Variants in PPP2R3B observed in about 807,000 individuals in gnomAD.
PPP2R3B encodes the protein protein phosphatase 2 regulatory subunit B''beta.
A neutral mutation model predicts 72.9 loss-of-function variants in PPP2R3B; 68 were observed. The ratio of observed to expected loss-of-function variants is 0.93; its 90% CI spans 0.77 to 1.14. The LOEUF (loss-of-function observed/expected upper bound fraction) is 1.14. Ranked by LOEUF, PPP2R3B falls within the 50% of genes most tolerant of loss-of-function variation. The probability of loss-of-function intolerance (pLI) is 0.00; values close to 1 mark genes in which losing one functional copy is unlikely to be tolerated. For synonymous variants in PPP2R3B, 466 were observed against 375.8 expected, an observed-to-expected ratio of 1.24 and a Z score of -2.78; for missense variants, 1,018 against 842.0, an observed-to-expected ratio of 1.21 and a Z score of -2.59.
In PPP2R3B at chrX:373,703, C is replaced by T. The variant is rs749877919; in HGVS notation, c.325-12113G>A. 264 of 161,538 alleles carry T rather than the reference C, an allele frequency of 1.6e-3. 1 individual carries two copies. The highest frequency in any genetic ancestry group is 0.015 in the Middle Eastern group (5 of 336). 10.0% of individuals were successfully genotyped at this position (161,538 alleles called of 1,614,324 possible). ...TCCGCGGGCCGGGCCGGGCGCCGCG[C>T]TCTCGGGGCAGGGCCGGGCCGGGGC... On this transcript the variant is annotated intron_variant, in intron 1 of 12. Coordinates refer to ENST00000390665, the MANE Select transcript of PPP2R3B (RefSeq NM_013239.5).
chrX:386,585 A>G lies in PPP2R3B; in HGVS notation c.107T>C (p.Leu36Pro). 1 of 1,453,164 alleles carries G rather than the reference A, an allele frequency of 6.9e-7. No homozygotes were observed. The highest frequency in any genetic ancestry group is 9.1e-7 in the Non-Finnish European group (1 of 1,103,440). 90.0% of individuals were successfully genotyped at this position (1,453,164 alleles called of 1,614,324 possible). ...ASTQRMLQDC[L>P]RRIKAPGRDQ... ...CCGCCCGGGCGCCTTGATCCGGCGC[A>G]GGCAGTCCTGCAGCATCCGCTGCGT... The change falls in exon 1 of 13, where the codon CTG (leucine) becomes CCG (proline). Residue 36 changes from leucine (L) to proline (P), a missense_variant. Transcript: ENST00000390665.
At chrX:384,982 C>CAA (rs773590401) in intron 1 of PPP2R3B, among the ~76,000 whole-genome samples, 1,664 of 62,380 alleles carry the variant, frequency 0.027, 87 homozygotes, top group African/African-American at 0.064. Context: ...GAATCTGTCT[C>CAA]AAAAAAAAAA....
chrX:363,720 A>ATCCC (rs1569404421), intron 1 of PPP2R3B, among the ~76,000 whole-genome samples: 25 of 67,504 alleles, frequency 3.7e-4, no homozygotes, highest in East Asian at 9.3e-4. Flanking sequence ...CCGAGCCCAC[A>ATCCC]ACGCATTCCC....
intron 7 of PPP2R3B, among the ~76,000 whole-genome samples, chrX:344,679 G>A (rs2071158654): frequency 6.6e-6 from 1 of 152,318 alleles, no homozygotes; most frequent in Non-Finnish European, 1.5e-5. Flanking sequence ...TGCTCTCCTC[G>A]TGGCTAGTTA....
intron 1 of PPP2R3B, among the ~76,000 whole-genome samples, chrX:364,332 C>G (rs1441194088): frequency 2.6e-5 from 4 of 151,974 alleles, no homozygotes; most frequent in Non-Finnish European, 5.9e-5. Flanking sequence ...ACAGCCGACT[C>G]TCCTGCAGGT....
chrX:343,975 G>T (rs1160470005), intron 7 of PPP2R3B, among the ~76,000 whole-genome samples: 17 of 108,706 alleles, frequency 1.6e-4, no homozygotes, highest in East Asian at 3.1e-4. Flanking sequence ...GAGGCGGGAG[G>T]GAGACCTCAG....
chrX:361,610 C>A lies in PPP2R3B; in HGVS notation c.325-20G>T, dbSNP rs149051350. ...CTGAACCTGAAGAGTCGACAGACAG[C>A]GCTCAGTTAGAACCTGGGAGCATCG... On this transcript the variant is annotated intron_variant, in intron 1 of 12. Coordinates refer to ENST00000390665, the MANE Select transcript of PPP2R3B (RefSeq NM_013239.5). 4.4e-3 allele frequency: 7,021 copies of A among 1,612,568 alleles called. 22 individuals are homozygous for A. Among genetic ancestry groups the A allele is most frequent in the Non-Finnish European group, 5.1e-3 (6,032 of 1,178,800 alleles).
Position 367,660 on chromosome X carries a change from G to A in PPP2R3B, c.325-6070C>T, listed in dbSNP as rs185528877. Among the ~76,000 whole-genome samples, 7 of 152,300 alleles carry A rather than the reference G, an allele frequency of 4.6e-5. No individual in the cohort carries two copies. The East Asian group carries it at 1.2e-3, about 25-fold the overall frequency. ...AAGCTGAAAAAGAGCAGGAGACAGAGGTGCAGGATGAGACGGTCACAGTCC... is the reference window on the plus strand; with the variant it reads ...AAGCTGAAAAAGAGCAGGAGACAGAAGTGCAGGATGAGACGGTCACAGTCC... On this transcript the variant is annotated intron_variant, in intron 1 of 12. Transcript: ENST00000390665.
Position 334,303 on chromosome X carries a change from A to C in PPP2R3B, c.*64T>G. 7.1e-7 allele frequency: 1 copy of C among 1,415,606 alleles called. No individual in the cohort carries two copies. The highest frequency in any genetic ancestry group is 9.2e-7 in the Non-Finnish European group (1 of 1,085,466). 87.7% of individuals were successfully genotyped at this position (1,415,606 alleles called of 1,614,324 possible). A position where few individuals can be genotyped will look rare whatever the true frequency, so the allele number is the denominator to read the frequency against. Reference sequence around the variant, plus strand: ...CATTTTCCACAACAGTTTTTACACGAGCCGCGGTGGCCCGGTGGTGGCACG... The same window carrying C: ...CATTTTCCACAACAGTTTTTACACGCGCCGCGGTGGCCCGGTGGTGGCACG... On this transcript the variant is annotated 3_prime_UTR_variant, in exon 13 of 13. Transcript: ENST00000390665.
intron 12 of PPP2R3B, chrX:334,790 G>T: frequency 2.5e-6 from 1 of 397,268 alleles, no homozygotes; most frequent in Non-Finnish European, 4.4e-6. Context: ...GACCTGGGCG[G>T]GCGCGCCTCT....
chrX:371,071 T>C (rs1459613585), intron 1 of PPP2R3B, among the ~76,000 whole-genome samples: 3 of 152,000 alleles, frequency 2.0e-5, no homozygotes, highest in Non-Finnish European at 2.9e-5. Flanking sequence ...ACAGCTGTCC[T>C]GGGCTGGGAA....
At chrX:349,081 C>T (rs1387332645) in intron 2 of PPP2R3B, among the ~76,000 whole-genome samples, 2 of 152,146 alleles carry the variant, frequency 1.3e-5, no homozygotes. Flanking sequence ...TCAGGAGGGA[C>T]ACTCTTATTC....
At chrX:372,161 G>A (rs1463621114) in intron 1 of PPP2R3B, among the ~76,000 whole-genome samples, 1 of 152,072 alleles carries the variant, frequency 6.6e-6, no homozygotes, top group Non-Finnish European at 1.5e-5. Context: ...AGCAAATCCC[G>A]CACGAGGCTG....
At chrX:335,330 C>G (rs946210834) in intron 12 of PPP2R3B, 5 of 152,402 alleles carry the variant, frequency 3.3e-5, no homozygotes, top group African/African-American at 1.2e-4. Flanking sequence ...CCACAGCTGC[C>G]TTAGGGTGTC....
chrX:369,149 C>CG (rs2071800317), intron 1 of PPP2R3B, among the ~76,000 whole-genome samples: 1 of 152,182 alleles, frequency 6.6e-6, no homozygotes, highest in Non-Finnish European at 1.5e-5. Flanking sequence ...CTGCCCCAAA[C>CG]GTAGCCGGTG....
At chrX:363,450 C>A (rs1326031519) in intron 1 of PPP2R3B, among the ~76,000 whole-genome samples, 14 of 147,236 alleles carry the variant, frequency 9.5e-5, no homozygotes, top group African/African-American at 2.5e-4. Flanking sequence ...ATGCATCTCC[C>A]CGAGCCCACC....
At chrX:363,950 A>G (rs2124247035) in intron 1 of PPP2R3B, among the ~76,000 whole-genome samples, 1 of 152,386 alleles carries the variant, frequency 6.6e-6, no homozygotes, top group East Asian at 1.9e-4. Context: ...AGAACCCTGG[A>G]CAGAATAGTT....
chrX:334,224 AATC>A lies in PPP2R3B; in HGVS notation c.*140_*142del. The A allele has an allele frequency of 1.9e-6, 2 of 1,042,992 alleles. No homozygotes were observed. Among genetic ancestry groups the A allele is most frequent in the Non-Finnish European group, 2.6e-6 (2 of 782,902 alleles). The allele number at this position is 1,042,992 out of a possible 1,614,324, so 64.6% of individuals were successfully genotyped here. A position where few individuals can be genotyped will look rare whatever the true frequency, so the allele number is the denominator to read the frequency against. On this transcript the variant is annotated 3_prime_UTR_variant, in exon 13 of 13. Transcript: ENST00000390665. The stretch of plus-strand genomic sequence containing the variant: ...GGTCCAGCCACGAACCCACAGCGGC[AATC>A]AACACGCTTCTGTGAATAAATAAAA...
chrX:346,248 T>C lies in PPP2R3B; in HGVS notation c.805A>G (p.Ile269Val), dbSNP rs756410083. 6.4e-7 allele frequency: 1 copy of C among 1,569,338 alleles called. No individual in the cohort carries two copies. The highest frequency in any genetic ancestry group is 8.6e-7 in the Non-Finnish European group (1 of 1,159,032). The part of the protein sequence containing the change: ...SRYITTVIQR[I>V]FYAVNRSWSG... ...CAGGACCGGTTCACGGCGTAGAAGATCCGCTGGATGACCTGCGGGGGCGCT... is the reference window on the plus strand; with the variant it reads ...CAGGACCGGTTCACGGCGTAGAAGACCCGCTGGATGACCTGCGGGGGCGCT... The change falls in exon 6 of 13, where the codon ATC (isoleucine) becomes GTC (valine). Residue 269 changes from isoleucine (I) to valine (V), a missense_variant. Transcript: ENST00000390665.
Sources: allele counts gnomAD v4.1 joint callset (sites outside exome capture counted in the v4.1 genomes callset), GRCh38; gene constraint gnomAD v4.1.1; transcripts MANE v1.5; gene names NCBI Gene and HGNC (gene_info 2026-07-23, HGNC 2026-07-21).